Variants in CCSER1 observed in about 807,000 individuals in gnomAD.
The protein encoded by CCSER1 is serine-rich coiled-coil domain-containing protein 1.
Under a neutral mutation model 82.0 loss-of-function variants are expected in CCSER1, and 41 were observed. The ratio of observed to expected loss-of-function variants is 0.50; its 90% CI spans 0.39 to 0.65. The LOEUF is 0.65. Among genes scored for constraint, CCSER1 ranks in the 30% least tolerant of loss-of-function variants. The pLI is 0.00. For synonymous variants in CCSER1, 414 were observed against 383.9 expected, an observed-to-expected ratio of 1.08 and a Z score of -0.92; for missense variants, 1,119 against 1,064.2, an observed-to-expected ratio of 1.05 and a Z score of -0.72.
chr4:90,872,634 C>G (rs1268528798), intron 8 of CCSER1, among the ~76,000 whole-genome samples: 1 of 152,016 alleles, frequency 6.6e-6, no homozygotes, highest in South Asian at 2.1e-4. Context: ...TCTACTCAAG[C>G]TATCAGTAGT....
rs1426160588 is a variant in CCSER1, at chr4:91,086,007, A to G, written c.2217+13A>G. The G allele has an allele frequency of 2.0e-6, 3 of 1,487,528 alleles. No homozygotes were observed. The African/African-American group carries it at 4.2e-5, about 21-fold the overall frequency. 92.1% of individuals were successfully genotyped at this position (1,487,528 alleles called of 1,614,324 possible). On this transcript the variant is annotated intron_variant, in intron 10 of 10. Transcript: ENST00000509176. The stretch of plus-strand genomic sequence containing the variant: ...AGGAGGGAGAGAGGTAAGAATGTTT[A>G]AAGAAGAGGGGTGGGAAAAAGAGGA...
intron 4 of CCSER1, chr4:90,403,943 C>G (rs1753321814): frequency 6.6e-6 from 1 of 152,116 alleles, no homozygotes; most frequent in African/African-American, 2.4e-5. Flanking sequence ...AGGAACATAC[C>G]AGGAAAGCCA....
intron 1 of CCSER1, among the ~76,000 whole-genome samples, chr4:90,274,343 A>G (rs1027936601): frequency 6.6e-6 from 1 of 152,186 alleles, no homozygotes; most frequent in African/African-American, 2.4e-5. Context: ...TGGACTTTGG[A>G]AAAAATAGCT....
At chr4:90,918,690 A>T (rs1727902646) in intron 8 of CCSER1, among the ~76,000 whole-genome samples, 1 of 151,646 alleles carries the variant, frequency 6.6e-6, no homozygotes, top group South Asian at 2.1e-4. Context: ...CCTAAAAATT[A>T]GGACCCAGCC....
chr4:90,730,808 C>T (rs959325512), intron 7 of CCSER1, among the ~76,000 whole-genome samples: 3 of 152,000 alleles, frequency 2.0e-5, no homozygotes, highest in African/African-American at 7.3e-5. Flanking sequence ...AATACTCGGT[C>T]TTATCAGGAA....
intron 9 of CCSER1, among the ~76,000 whole-genome samples, chr4:91,037,232 TCACACA>T (rs3043087): frequency 3.6e-4 from 53 of 146,392 alleles, no homozygotes; most frequent in Admixed American, 4.8e-4. Context: ...TCTATCTCTG[TCACACA>T]CACACACACA....
intron 10 of CCSER1, among the ~76,000 whole-genome samples, chr4:91,529,217 A>G (rs975006070): frequency 4.6e-5 from 7 of 152,156 alleles, no homozygotes; most frequent in Admixed American, 1.3e-4. Flanking sequence ...GTGAAATTAA[A>G]ATAGACTGCA....
chr4:90,366,146 A>C (rs907527021), intron 3 of CCSER1, among the ~76,000 whole-genome samples: 3 of 151,942 alleles, frequency 2.0e-5, no homozygotes, highest in Non-Finnish European at 4.4e-5. Flanking sequence ...TAGCAATAGC[A>C]TATCTATCAT....
At chr4:90,635,343 G>A (rs1211235079) in intron 6 of CCSER1, among the ~76,000 whole-genome samples, 1 of 151,544 alleles carries the variant, frequency 6.6e-6, no homozygotes, top group African/African-American at 2.4e-5. Flanking sequence ...AATTTAAAAG[G>A]TAGACATCTA....
At chr4:90,994,010 T>C (rs1170071214) in intron 9 of CCSER1, among the ~76,000 whole-genome samples, 3 of 152,052 alleles carry the variant, frequency 2.0e-5, no homozygotes, top group Non-Finnish European at 4.4e-5. Context: ...AAACCCATCA[T>C]ACCATCATAA....
rs184970307 is a variant in CCSER1 at position 90,473,244 on chromosome 4, C to T, written c.1724+4890C>T. On this transcript the variant is annotated intron_variant, in intron 5 of 10. Coordinates refer to ENST00000509176, the MANE Select transcript of CCSER1 (RefSeq NM_001145065.2). ...TTTTAGAAATGTGCTTGTTGAAATG[C>T]AAATATTCTGTACATACCATAACTC... Among the ~76,000 whole-genome samples, 9 of 152,178 alleles carry T rather than the reference C, an allele frequency of 5.9e-5. No individual in the cohort carries two copies. In the East Asian group the frequency reaches 1.7e-3, roughly 29 times the overall value.
Position 90,932,995 on chromosome 4 carries a change from A to G in CCSER1, c.2172+9548A>G, listed in dbSNP as rs1173715064. ...GAAAGAAAGAAAGAGAAAGAAAGAA[A>G]GAAAGAAAGAAAGAAAGAAAGAAAG... On this transcript the variant is annotated intron_variant, in intron 9 of 10. Transcript: ENST00000509176. Among the ~76,000 whole-genome samples, 114 of 47,694 alleles carry G rather than the reference A, an allele frequency of 2.4e-3. 35 individuals carry two copies. The highest frequency in any genetic ancestry group is 3.5e-3 in the Non-Finnish European group (91 of 25,922). The allele number at this position is 47,694 out of a possible 152,430, so 31.3% of individuals were successfully genotyped here.
At chr4:91,507,549 G>A (rs1019087199) in intron 10 of CCSER1, among the ~76,000 whole-genome samples, 9 of 151,472 alleles carry the variant, frequency 5.9e-5, no homozygotes, top group Middle Eastern at 3.2e-3. Flanking sequence ...CTGCCTCTAC[G>A]TATCATTTTT....
At chr4:90,243,186 C>T (rs1484531382) in intron 1 of CCSER1, among the ~76,000 whole-genome samples, 2 of 151,704 alleles carry the variant, frequency 1.3e-5, no homozygotes, top group Non-Finnish European at 2.9e-5. Flanking sequence ...GCCTCAGCCT[C>T]CCAAGCAGCT....
At chr4:90,427,954 A>G (rs1454457822) in intron 4 of CCSER1, among the ~76,000 whole-genome samples, 1 of 151,838 alleles carries the variant, frequency 6.6e-6, no homozygotes, top group Non-Finnish European at 1.5e-5. Context: ...GTTTTGTTAT[A>G]TTAGCTGGAT....
chr4:90,418,327 T>G (rs978120454), intron 4 of CCSER1, among the ~76,000 whole-genome samples: 7 of 152,068 alleles, frequency 4.6e-5, no homozygotes, highest in Admixed American at 1.3e-4. Context: ...TCTGACAGAT[T>G]TAGTGATCTT....
chr4:91,011,729 G>A (rs1406649380), intron 9 of CCSER1, among the ~76,000 whole-genome samples: 1 of 134,544 alleles, frequency 7.4e-6, no homozygotes, highest in African/African-American at 2.5e-5. Context: ...ATAGGGCTCA[G>A]TGGCAACTCA....
intron 1 of CCSER1, among the ~76,000 whole-genome samples, chr4:90,259,980 T>C (rs1578804161): frequency 6.6e-6 from 1 of 152,174 alleles, no homozygotes; most frequent in Admixed American, 6.6e-5. Context: ...ACTGGCTTCA[T>C]CGAATGACTT....
intron 10 of CCSER1, among the ~76,000 whole-genome samples, chr4:91,202,592 A>G (rs527642587): frequency 2.0e-5 from 3 of 152,164 alleles, no homozygotes; most frequent in Non-Finnish European, 2.9e-5. Context: ...TTGTTGTTAA[A>G]GAATATCTTA....
Sources: gnomAD v4.1 joint callset for allele counts (sites outside exome capture counted in the v4.1 genomes callset) on GRCh38, gnomAD v4.1.1 for gene constraint, MANE v1.5 for transcripts, NCBI Gene and HGNC (gene_info 2026-07-23, HGNC 2026-07-21) for gene names.